LMOD3: variants seen among roughly 807,000 people sequenced by gnomAD.
LMOD3 encodes leiomodin 3, also known as leiomodin-3.
Under a neutral mutation model 41.8 loss-of-function variants are expected in LMOD3, and 31 were observed. The observed-to-expected ratio is 0.74, with a 90% CI of 0.56 to 1.00. LMOD3 has a LOEUF of 1.00. Ranked by LOEUF, LMOD3 falls within the 50% of genes least tolerant of loss-of-function variation. LMOD3 has a pLI of 0.00. For missense variants in LMOD3, 755 were observed against 679.5 expected (o/e 1.11, Z -1.23); for synonymous variants, 292 against 241.9 (o/e 1.21, Z -1.92).
Position 69,119,887 on chromosome 3 carries a change from G to GTCATCATCA in LMOD3, c.459_467dup (p.Asp155_Asp157dup), listed in dbSNP as rs752238157. The GTCATCATCA allele has an allele frequency of 5.7e-5, 88 of 1,546,356 alleles. No individual in the cohort carries two copies. Among genetic ancestry groups the GTCATCATCA allele is most frequent in the Non-Finnish European group, 7.5e-5 (86 of 1,140,300 alleles). ...CTTCACCATCATCTTCTCCTTCGTC[G>GTCATCATCA]TCATCATCATCATCTTCTTCTTCTT... is the stretch of plus-strand genomic sequence containing the variant. On this transcript the variant is annotated inframe_insertion, in exon 2 of 3. Transcript: ENST00000420581.
Position 69,118,987 on chromosome 3 carries a change from G to C in LMOD3, c.1368C>G (p.Asn456Lys). The C allele has an allele frequency of 6.2e-7, 1 of 1,613,398 alleles. No individual in the cohort carries two copies. The highest frequency in any genetic ancestry group is 8.5e-7 in the Non-Finnish European group (1 of 1,179,790). The change falls in exon 2 of 3, where the codon AAC becomes AAG. Residue 456 changes from asparagine to lysine, a missense_variant. Physicochemically the swap from Asn to Lys is moderately conservative, Grantham distance 94. Transcript: ENST00000420581. The part of the protein sequence containing the change: ...FFQPPPPRPP[N>K]PQNVPFSQRS... ...GTTGACTAAAGGGGACATTTTGGGG[G>C]TTGGGAGGCCGAGGTGGCGGTGGCT...
intron 1 of LMOD3, among the ~76,000 whole-genome samples, chr3:69,120,401 A>C (rs983992591): frequency 1.3e-5 from 2 of 152,118 alleles, no homozygotes; most frequent in African/African-American, 4.8e-5. Flanking sequence ...AGTACCCAAC[A>C]GTCCTGAGTT....
At chr3:69,111,099 T>C (rs1381368558) in intron 2 of LMOD3, among the ~76,000 whole-genome samples, 8 of 151,970 alleles carry the variant, frequency 5.3e-5, no homozygotes, top group Non-Finnish European at 8.8e-5. Flanking sequence ...CCCAGGGCAT[T>C]TGTATAACAA....
At chr3:69,118,576 T>C (rs1559661072) in intron 2 of LMOD3, 123 bp downstream of exon 2, 1 of 1,110,852 alleles carries the variant, frequency 9.0e-7, no homozygotes, top group Middle Eastern at 2.6e-4. Flanking sequence ...TAATGCTCAT[T>C]GGCTTCCCCC....
chr3:69,122,370 C>G lies in LMOD3; in HGVS notation c.17G>C (p.Arg6Thr), dbSNP rs1185485203. ...GAGAAGTTCTTCTTGATCTGAATTTCTGCTGTGCTCTGACATTATTTTTTC... is the reference window on the plus strand; with the variant it reads ...GAGAAGTTCTTCTTGATCTGAATTTGTGCTGTGCTCTGACATTATTTTTTC... The part of the protein sequence containing the change: MSEHS[R>T]NSDQEELLDE... The change falls in exon 1 of 3, where the codon AGA becomes ACA. Residue 6 changes from arginine (R) to threonine (T), a missense_variant. Arg to Thr is a moderately conservative substitution (Grantham distance 71). Transcript: ENST00000420581. 2 of 1,603,418 alleles carry G rather than the reference C, an allele frequency of 1.2e-6. No individual in the cohort carries two copies. The highest frequency in any genetic ancestry group is 1.7e-6 in the Non-Finnish European group (2 of 1,172,000).
rs969358209 is a variant in LMOD3 at position 69,107,065 on chromosome 3, A to G, written c.*2030T>C. The G allele has an allele frequency of 6.6e-6, 1 of 151,642 alleles. No individual in the cohort carries two copies. Among genetic ancestry groups the G allele is most frequent in the African/African-American group, 2.4e-5 (1 of 41,254 alleles). 9.4% of individuals were successfully genotyped at this position (151,642 alleles called of 1,614,324 possible). On this transcript the variant is annotated 3_prime_UTR_variant, in exon 3 of 3. Coordinates refer to ENST00000420581, the MANE Select transcript of LMOD3 (RefSeq NM_198271.5). ...TAATTATGTTTAAAGTGCTTTTCCT[A>G]TCAGAGTTTAGCCTCTTAGATGTAG...
intron 2 of LMOD3, 72 bp downstream of exon 2, chr3:69,118,627 G>T: frequency 2.0e-6 from 3 of 1,480,466 alleles, no homozygotes; most frequent in Non-Finnish European, 2.7e-6. Flanking sequence ...TGTTAAAACA[G>T]AGAGGGAATA....
At chr3:69,114,153 C>T (rs908681036) in intron 2 of LMOD3, among the ~76,000 whole-genome samples, 7 of 152,154 alleles carry the variant, frequency 4.6e-5, no homozygotes, top group Non-Finnish European at 1.0e-4. Context: ...GAAACCAATG[C>T]ATAGAAACAG....
rs1245862134 is a variant in LMOD3, at chr3:69,106,989, T to G, written c.*2106A>C. On this transcript the variant is annotated 3_prime_UTR_variant, in exon 3 of 3. Transcript: ENST00000420581. The stretch of plus-strand genomic sequence containing the variant: ...GCCTACAGTGCTGGGATTACAGGCA[T>G]GAGCCACCGCACCGGCCTAGAATTT... 2.0e-5 allele frequency: 3 copies of G among 150,644 alleles called. No individual in the cohort carries two copies. The East Asian group carries it at 6.0e-4, about 30-fold the overall frequency. The allele number at this position is 150,644 out of a possible 1,614,324, so 9.3% of individuals were successfully genotyped here. A position where few individuals can be genotyped will look rare whatever the true frequency, so the allele number is the denominator to read the frequency against.
intron 2 of LMOD3, among the ~76,000 whole-genome samples, chr3:69,111,116 G>C (rs2092348307): frequency 6.6e-6 from 1 of 152,074 alleles, no homozygotes; most frequent in African/African-American, 2.4e-5. Context: ...ACAATGACTA[G>C]GAATGTTTCT....
Position 69,106,686 on chromosome 3 carries a change from T to G in LMOD3, c.*2409A>C, listed in dbSNP as rs2092323923. Among the ~76,000 whole-genome samples, 4 of 150,172 alleles carry G rather than the reference T, an allele frequency of 2.7e-5. No homozygotes were observed. The stretch of plus-strand genomic sequence containing the variant: ...CTATACAAACAAATGCATAGGGGCT[T>G]TCTAGAATTTTTTTTTTTTTTTTGA... On this transcript the variant is annotated 3_prime_UTR_variant, in exon 3 of 3. Transcript: ENST00000420581.
In LMOD3 at chr3:69,119,407, G is replaced by A. The variant is rs1338563122; in HGVS notation, c.948C>T (p.Asn316=). The change falls in exon 2 of 3, where the codon AAC becomes AAT. Residue 316 remains asparagine, a synonymous_variant. Coordinates refer to ENST00000420581, the MANE Select transcript of LMOD3 (RefSeq NM_198271.5). ...LRENRSITTL[N]IESNFITGKG... is the part of the protein sequence containing the mutation. ...TACCTGTGATGAAATTGGACTCGATGTTGAGAGTGGTGATGCTTCTATTTT... is the reference window on the plus strand; with the variant it reads ...TACCTGTGATGAAATTGGACTCGATATTGAGAGTGGTGATGCTTCTATTTT... 6.2e-7 allele frequency: 1 copy of A among 1,613,994 alleles called. No individual in the cohort carries two copies. The highest frequency in any genetic ancestry group is 8.5e-7 in the Non-Finnish European group (1 of 1,179,900).
At chr3:69,116,090 A>G (rs1043276100) in intron 2 of LMOD3, among the ~76,000 whole-genome samples, 2 of 152,252 alleles carry the variant, frequency 1.3e-5, no homozygotes, top group Admixed American at 6.5e-5. Context: ...ACCTCAAAAC[A>G]AAACAAAAAA....
rs1319114271 is a variant in LMOD3 at position 69,119,040 on chromosome 3, G to T, written c.1315C>A (p.Pro439Thr). 1 of 1,613,698 alleles carries T rather than the reference G, an allele frequency of 6.2e-7. No individual in the cohort carries two copies. Among genetic ancestry groups the T allele is most frequent in the Non-Finnish European group, 8.5e-7 (1 of 1,179,840 alleles). The change falls in exon 2 of 3, where the codon CCA (proline) becomes ACA (threonine). Residue 439 changes from proline to threonine, a missense_variant. By Grantham distance (38) the Pro-to-Thr change is conservative. Transcript: ENST00000420581. ...AAGAATTCCTGCATTCTGGAATCTG[G>T]CTTGGGTCCTCCCAACAGCTCCCAC... ...GMWELLGGPK[P>T]DSRMQEFFQP...
chr3:69,110,704 G>A (rs141165977), intron 2 of LMOD3, among the ~76,000 whole-genome samples: 1,797 of 147,492 alleles, frequency 0.012, 33 homozygotes, highest in African/African-American at 0.042. Flanking sequence ...TTAGCTGGGC[G>A]TGGTGGCACG....
rs1368946020 is a variant in LMOD3, at chr3:69,119,901, C to T, written c.454G>A (p.Asp152Asn). The part of the protein sequence containing the change: ...ETDEEDEEEE[D>N]DDDDDEGEDD... ...TCTCCTTCGTCGTCATCATCATCATCTTCTTCTTCTTCATCTTCTTCATCT... is the reference window on the plus strand; with the variant it reads ...TCTCCTTCGTCGTCATCATCATCATTTTCTTCTTCTTCATCTTCTTCATCT... The change falls in exon 2 of 3, where the codon GAT becomes AAT. Residue 152 changes from aspartate (D) to asparagine (N), a missense_variant. Asp to Asn is a conservative substitution (Grantham distance 23, BLOSUM62 1). Transcript: ENST00000420581. The T allele has an allele frequency of 2.6e-6, 4 of 1,516,938 alleles. No individual in the cohort carries two copies. Among genetic ancestry groups the T allele is most frequent in the Non-Finnish European group, 3.6e-6 (4 of 1,113,816 alleles). The allele number at this position is 1,516,938 out of a possible 1,614,324, so 94.0% of individuals were successfully genotyped here. A position where few individuals can be genotyped will look rare whatever the true frequency, so the allele number is the denominator to read the frequency against.
rs2092412083 is a variant in LMOD3 at position 69,122,274 on chromosome 3, TC to T, written c.112del (p.Glu38LysfsTer15). On this transcript the variant is annotated frameshift_variant, in exon 1 of 3. Coordinates refer to ENST00000420581, the MANE Select transcript of LMOD3 (RefSeq NM_198271.5). LOFTEE classifies it high-confidence loss of function. ...SAEELKELQS[E>X]MEVMAPDPSL... The stretch of plus-strand genomic sequence containing the variant: ...GGGGTCAGGGGCCATGACTTCCATT[TC>T]CGACTGCAGTTCTTTCAGTTCTTCA... 6.2e-7 allele frequency: 1 copy of T among 1,613,656 alleles called. No homozygotes were observed.
Position 69,119,235 on chromosome 3 carries a change from C to T in LMOD3, c.1120G>A (p.Gly374Ser), listed in dbSNP as rs770796044. ...GGACCCGGAAGCTCAAAATGGTAGC[C>T]CATCTTCAGGAGAGTGTTGTTTGCC... ...LKANNTLLKM[G>S]YHFELPGPRM... The change falls in exon 2 of 3, where the codon GGC (glycine) becomes AGC (serine). Residue 374 changes from glycine (G) to serine (S), a missense_variant. Coordinates refer to ENST00000420581, the MANE Select transcript of LMOD3 (RefSeq NM_198271.5). 6.2e-7 allele frequency: 1 copy of T among 1,613,780 alleles called. No homozygotes were observed.
rs1156399567 is a variant in LMOD3, at chr3:69,119,675, A to C, written c.680T>G (p.Phe227Cys). The C allele has an allele frequency of 1.9e-6, 3 of 1,613,794 alleles. No individual in the cohort carries two copies. The highest frequency in any genetic ancestry group is 1.7e-6 in the Non-Finnish European group (2 of 1,179,880). ...TGAAGGCCTTGTACTTACCTTCAAA[A>C]AGCTGGTGTCTAGAGCTAACTTCTT... is the stretch of plus-strand genomic sequence containing the variant. Reference protein sequence around the residue: ...DPKKLALDTSFLKVSTRPSGN... With the variant: ...DPKKLALDTSCLKVSTRPSGN... Residue 227 changes from phenylalanine (F) to cysteine (C), a missense_variant, in exon 2 of 3, where the codon TTT (phenylalanine) becomes TGT (cysteine). Coordinates refer to ENST00000420581, the MANE Select transcript of LMOD3 (RefSeq NM_198271.5).
Sources: allele counts gnomAD v4.1 joint callset (sites outside exome capture counted in the v4.1 genomes callset), GRCh38; gene constraint gnomAD v4.1.1; transcripts MANE v1.5; gene names NCBI Gene and HGNC (gene_info 2026-07-23, HGNC 2026-07-21).